The following AFAP1 variants were observed in gnomAD, a reference collection of about 807,000 sequenced individuals.
AFAP1 encodes actin filament associated protein 1.
AFAP1 carries 75 observed loss-of-function variants against 93.9 expected under a neutral mutation model. The observed-to-expected ratio is 0.80, with a 90% CI of 0.66 to 0.97. AFAP1 has a LOEUF of 0.97. Ranked by LOEUF, AFAP1 falls within the 50% of genes least tolerant of loss-of-function variation. The pLI is 0.00. For missense variants in AFAP1, 1,201 were observed against 1,050.8 expected (o/e 1.14, Z -1.98); for synonymous variants, 517 against 430.7 (o/e 1.20, Z -2.48).
intron 1 of AFAP1, among the ~76,000 whole-genome samples, chr4:7,913,476 G>A (rs949316402): frequency 2.0e-5 from 3 of 151,532 alleles, no homozygotes; most frequent in African/African-American, 7.3e-5. Context: ...ATTATATAAT[G>A]GACATGTAAA....
intron 1 of AFAP1, among the ~76,000 whole-genome samples, chr4:7,901,113 G>A (rs1719090016): frequency 6.6e-6 from 1 of 152,146 alleles, no homozygotes; most frequent in Non-Finnish European, 1.5e-5. Flanking sequence ...ATGCAGTTTG[G>A]GACCTACCCT....
chr4:7,911,174 T>C (rs1449660656), intron 1 of AFAP1, among the ~76,000 whole-genome samples: 1 of 152,070 alleles, frequency 6.6e-6, no homozygotes, highest in African/African-American at 2.4e-5. Context: ...CCTCCACTCC[T>C]CCCTGGGGGA....
chr4:7,908,071 G>T (rs2149223168), intron 1 of AFAP1, among the ~76,000 whole-genome samples: 1 of 152,218 alleles, frequency 6.6e-6, no homozygotes, highest in Middle Eastern at 3.4e-3. Context: ...AATTAGCCGG[G>T]CGTGGTGGCA....
intron 1 of AFAP1, among the ~76,000 whole-genome samples, chr4:7,913,221 TC>T (rs1719865816): frequency 1.3e-5 from 2 of 152,074 alleles, no homozygotes; most frequent in South Asian, 4.2e-4. Flanking sequence ...AGGCCCTGTC[TC>T]TGCAAAAAAT....
At chr4:7,798,196 T>C (rs371141088) in intron 10 of AFAP1, among the ~76,000 whole-genome samples, 44 of 112,652 alleles carry the variant, frequency 3.9e-4, no homozygotes, top group Admixed American at 1.5e-3. Flanking sequence ...TGCAACTCTA[T>C]TGGCTGGCTC....
chr4:7,786,969 A>G (rs1461958459), intron 11 of AFAP1, among the ~76,000 whole-genome samples: 4 of 152,172 alleles, frequency 2.6e-5, no homozygotes, highest in Non-Finnish European at 5.9e-5. Flanking sequence ...TCTTCCCTGA[A>G]ATTTCCTCAA....
Position 7,761,004 on chromosome 4 carries a change from C to T in AFAP1, c.*2761G>A, listed in dbSNP as rs571798051. On this transcript the variant is annotated 3_prime_UTR_variant, in exon 18 of 18. Coordinates refer to ENST00000420658, the MANE Select transcript of AFAP1 (RefSeq NM_001134647.2). ...GGGCCTCTTGCCCTCAGCCTGGCTT[C>T]GTTATGAAATCAGACACACTCGCAG... The T allele has an allele frequency of 9.2e-5, 14 of 152,340 alleles. No homozygotes were observed. Among genetic ancestry groups the T allele is most frequent in the Non-Finnish European group, 1.9e-4 (13 of 68,032 alleles). 9.4% of individuals were successfully genotyped at this position (152,340 alleles called of 1,614,324 possible).
chr4:7,861,192 A>G (rs1715636107), intron 3 of AFAP1, among the ~76,000 whole-genome samples: 1 of 152,210 alleles, frequency 6.6e-6, no homozygotes, highest in Non-Finnish European at 1.5e-5. Context: ...AAAATATATA[A>G]TTTGAAATAA....
chr4:7,816,019 T>C lies in AFAP1; in HGVS notation c.903A>G (p.Gln301=), dbSNP rs1335106252. 1.2e-6 allele frequency: 2 copies of C among 1,611,416 alleles called. No homozygotes were observed. The highest frequency in any genetic ancestry group is 2.2e-5 in the East Asian group (1 of 44,866). ...GTTTTTGGCACAAGCAGAACTCACCTTGCTCCTTTCCATTACATGTGGTAA... is the reference window on the plus strand; with the variant it reads ...GTTTTTGGCACAAGCAGAACTCACCCTGCTCCTTTCCATTACATGTGGTAA... ...NGITTCNGKE[Q]VKRKKSSKSE... The change falls in exon 8 of 18, where the codon CAA becomes CAG. Residue 301 remains glutamine, a splice_region_variant and synonymous_variant. Coordinates refer to ENST00000420658, the MANE Select transcript of AFAP1 (RefSeq NM_001134647.2).
intron 4 of AFAP1, among the ~76,000 whole-genome samples, chr4:7,846,006 C>T (rs1333917240): frequency 3.3e-5 from 5 of 152,138 alleles, no homozygotes; most frequent in Non-Finnish European, 4.4e-5. Context: ...TAGAGCCAGG[C>T]CTTGAGACAA....
intron 11 of AFAP1, chr4:7,788,902 C>A (rs1487392612): frequency 6.6e-6 from 1 of 152,354 alleles, no homozygotes; most frequent in Non-Finnish European, 1.5e-5. Flanking sequence ...CCTGCACTCA[C>A]CCTGCTGCAG....
At chr4:7,917,890 C>G (rs1489175456) in intron 1 of AFAP1, among the ~76,000 whole-genome samples, 1 of 152,224 alleles carries the variant, frequency 6.6e-6, no homozygotes, top group Non-Finnish European at 1.5e-5. Flanking sequence ...CCCCACAACA[C>G]TCAGCACCGC....
chr4:7,934,138 G>A (rs1159504709), intron 1 of AFAP1, among the ~76,000 whole-genome samples: 1 of 152,118 alleles, frequency 6.6e-6, no homozygotes. Flanking sequence ...ATTATAAATG[G>A]CCCAGAACAC....
chr4:7,779,200 A>C (rs2269874), intron 13 of AFAP1: 166,609 of 281,304 alleles, frequency 0.59, 52,024 homozygotes, highest in African/African-American at 0.83. Flanking sequence ...GAGCACTCAG[A>C]TGAGAGGAGT....
intron 9 of AFAP1, among the ~76,000 whole-genome samples, chr4:7,803,537 G>A (rs574649160): frequency 6.6e-6 from 1 of 151,822 alleles, no homozygotes; most frequent in East Asian, 2.0e-4. Context: ...CAGGGGACCC[G>A]GCCCCGATCC....
intron 12 of AFAP1, among the ~76,000 whole-genome samples, 166 bp from the exon 13 acceptor site, chr4:7,781,793 AC>A (rs1716802599): frequency 6.6e-6 from 1 of 151,322 alleles, no homozygotes; most frequent in African/African-American, 2.4e-5. Flanking sequence ...TGCACCCACC[AC>A]CCCCCTCCCA....
chr4:7,767,388 A>C (rs1304403475), intron 17 of AFAP1, among the ~76,000 whole-genome samples: 71 of 152,202 alleles, frequency 4.7e-4, no homozygotes, highest in Admixed American at 4.4e-3. Context: ...CTTTGATGAT[A>C]AAGAAACTAA....
At chr4:7,767,288 G>A (rs932605341) in intron 17 of AFAP1, among the ~76,000 whole-genome samples, 1 of 152,222 alleles carries the variant, frequency 6.6e-6, no homozygotes, top group African/African-American at 2.4e-5. Context: ...GCAAAAGGGA[G>A]CGGGGGGCCT....
chr4:7,902,999 C>A lies in AFAP1; in HGVS notation c.-2-30919G>T, dbSNP rs143201441. On this transcript the variant is annotated intron_variant, in intron 1 of 17. Transcript: ENST00000420658. ...GTATCATTTCTACTCAAGTACTCCA[C>A]CTCCTTCCCGGCAAGTATCTGCGCC... is the stretch of plus-strand genomic sequence containing the variant. Among the ~76,000 whole-genome samples the A allele has an allele frequency of 2.7e-4, 41 of 152,338 alleles. 2 individuals are homozygous for A. In the East Asian group the frequency reaches 7.5e-3, roughly 28 times the overall value.
Sources: gnomAD v4.1 joint callset for allele counts (sites outside exome capture counted in the v4.1 genomes callset) on GRCh38, gnomAD v4.1.1 for gene constraint, MANE v1.5 for transcripts, NCBI Gene and HGNC (gene_info 2026-07-23, HGNC 2026-07-21) for gene names.